The following SOX5 variants were observed in gnomAD, a reference collection of about 807,000 sequenced individuals.
SOX5 encodes the protein transcription factor SOX-5.
In SOX5, 9 loss-of-function variants were observed where a neutral mutation model predicts 92.0. That is an observed-to-expected ratio of 0.10 (90% confidence interval 0.06 to 0.17). The LOEUF (loss-of-function observed/expected upper bound fraction) is 0.17, where lower values mean the gene tolerates loss of function less well. Ranked by LOEUF, SOX5 falls within the 10% of genes least tolerant of loss-of-function variation. The pLI is 1.00. For missense variants in SOX5, 642 were observed against 944.5 expected, an observed-to-expected ratio of 0.68 and a Z score of 4.20; for synonymous variants, 344 against 336.3, an observed-to-expected ratio of 1.02 and a Z score of -0.25.
At chr12:24,400,822 C>T (rs1185376322) in intron 1 of SOX5, among the ~76,000 whole-genome samples, 1 of 152,180 alleles carries the variant, frequency 6.6e-6, no homozygotes, top group Non-Finnish European at 1.5e-5. Flanking sequence ...AACTGAAACA[C>T]TATCAAACAA....
intron 4 of SOX5, among the ~76,000 whole-genome samples, chr12:24,000,749 G>C (rs1951518996): frequency 1.3e-5 from 2 of 152,084 alleles, no homozygotes; most frequent in Non-Finnish European, 1.5e-5. Context: ...AATCAAAAGG[G>C]AGAGACTGTA....
intron 1 of SOX5, among the ~76,000 whole-genome samples, chr12:24,543,323 A>C (rs1284042411): frequency 6.6e-6 from 1 of 152,276 alleles, no homozygotes; most frequent in Non-Finnish European, 1.5e-5. Flanking sequence ...TTCAATAAAA[A>C]AGGTTTAAAT....
At chr12:24,314,573 T>A (rs1215180436) in intron 2 of SOX5, among the ~76,000 whole-genome samples, 1 of 150,850 alleles carries the variant, frequency 6.6e-6, no homozygotes, top group African/African-American at 2.4e-5. Context: ...AAAAAAAAAT[T>A]ATAACAGTTC....
intron 1 of SOX5, among the ~76,000 whole-genome samples, chr12:24,538,745 T>C (rs1405204116): frequency 1.3e-5 from 2 of 152,112 alleles, no homozygotes. Flanking sequence ...TTTATCAGAA[T>C]TGTATAAACA....
chr12:23,745,149 A>T (rs2093937971), intron 4 of SOX5, among the ~76,000 whole-genome samples: 1 of 152,160 alleles, frequency 6.6e-6, no homozygotes, highest in Non-Finnish European at 1.5e-5. Context: ...GAAAGTGCGT[A>T]GTTCAACCCA....
intron 3 of SOX5, among the ~76,000 whole-genome samples, chr12:24,252,689 TAAAA>T (rs542347992): frequency 7.3e-6 from 1 of 136,842 alleles, no homozygotes; most frequent in Non-Finnish European, 1.6e-5. Context: ...GTCTATGCTT[TAAAA>T]AAAAAAAAAA....
At chr12:24,016,508 C>A (rs1250650516) in intron 4 of SOX5, among the ~76,000 whole-genome samples, 1 of 152,064 alleles carries the variant, frequency 6.6e-6, no homozygotes, top group Non-Finnish European at 1.5e-5. Flanking sequence ...CCCTCAACAA[C>A]AACAAGACAA....
At chr12:23,773,578 G>A (rs1053395563) in intron 3 of SOX5, among the ~76,000 whole-genome samples, 1 of 152,072 alleles carries the variant, frequency 6.6e-6, no homozygotes, top group Non-Finnish European at 1.5e-5. Flanking sequence ...TACCATGTTG[G>A]CCAGGCTGGT....
At chr12:23,768,732 A>C (rs1013572244) in intron 3 of SOX5, among the ~76,000 whole-genome samples, 2 of 152,170 alleles carry the variant, frequency 1.3e-5, no homozygotes, top group Non-Finnish European at 2.9e-5. Context: ...TCACGTAAGA[A>C]ATCTGGGAAG....
intron 2 of SOX5, among the ~76,000 whole-genome samples, chr12:23,848,057 C>T (rs911481948): frequency 1.3e-5 from 2 of 152,014 alleles, no homozygotes; most frequent in Non-Finnish European, 2.9e-5. Flanking sequence ...TATTGCGAAA[C>T]CTCTGTACTA....
chr12:23,881,082 A>T (rs576214204), intron 2 of SOX5, among the ~76,000 whole-genome samples: 4 of 152,276 alleles, frequency 2.6e-5, no homozygotes, highest in African/African-American at 9.6e-5. Flanking sequence ...AGAGCATCTT[A>T]AATACCACCT....
At chr12:24,124,774 T>G (rs1215086286) in intron 4 of SOX5, among the ~76,000 whole-genome samples, 1 of 152,132 alleles carries the variant, frequency 6.6e-6, no homozygotes, top group Non-Finnish European at 1.5e-5. Flanking sequence ...TTTCTAAACC[T>G]AAAAGGGGTT....
intron 3 of SOX5, among the ~76,000 whole-genome samples, chr12:23,832,385 A>C (rs766927505): frequency 1.3e-5 from 2 of 152,064 alleles, no homozygotes; most frequent in African/African-American, 2.4e-5. Flanking sequence ...GTTCTTGACT[A>C]CCTATCCTAA....
chr12:23,999,767 A>G (rs1040970001), intron 4 of SOX5, among the ~76,000 whole-genome samples: 4 of 152,082 alleles, frequency 2.6e-5, no homozygotes, highest in South Asian at 2.1e-4. Context: ...AGAATTTTAC[A>G]TATAGCAAAG....
intron 2 of SOX5, among the ~76,000 whole-genome samples, chr12:24,317,753 C>T (rs1378057042): frequency 1.3e-5 from 2 of 152,214 alleles, no homozygotes; most frequent in Admixed American, 6.5e-5. Flanking sequence ...CTATCAGCCA[C>T]CTCTTGGCTT....
At chr12:24,429,174 G>A (rs953004845) in intron 1 of SOX5, among the ~76,000 whole-genome samples, 3 of 151,646 alleles carry the variant, frequency 2.0e-5, no homozygotes, top group East Asian at 1.9e-4. Context: ...AAAATTAGCC[G>A]GGCATGGTGG....
intron 2 of SOX5, among the ~76,000 whole-genome samples, chr12:23,889,315 C>T (rs976329914): frequency 3.3e-5 from 5 of 152,082 alleles, no homozygotes; most frequent in African/African-American, 1.2e-4. Context: ...AAATCTTTAC[C>T]ATACCATAAT....
At chr12:23,767,761 T>C (rs578040276) in intron 3 of SOX5, among the ~76,000 whole-genome samples, 2 of 152,082 alleles carry the variant, frequency 1.3e-5, no homozygotes, top group East Asian at 1.9e-4. Flanking sequence ...AGAAAGAGTA[T>C]TGTTGAATAT....
chr12:24,110,486 T>C (rs1191189441), intron 4 of SOX5, among the ~76,000 whole-genome samples: 1 of 152,206 alleles, frequency 6.6e-6, no homozygotes, highest in African/African-American at 2.4e-5. Context: ...CAACCACTCA[T>C]TTCATTATGA....
Sources: allele counts gnomAD v4.1 joint callset (sites outside exome capture counted in the v4.1 genomes callset), GRCh38; gene constraint gnomAD v4.1.1; transcripts MANE v1.5; gene names NCBI Gene and HGNC (gene_info 2026-07-23, HGNC 2026-07-21).